ITFG1: variants seen among roughly 807,000 people sequenced by gnomAD.
ITFG1 encodes T-cell immunomodulatory protein.
Under a neutral mutation model 81.8 loss-of-function variants are expected in ITFG1, and 34 were observed. The observed-to-expected ratio is 0.42, with a 90% CI of 0.32 to 0.55. ITFG1 has a LOEUF of 0.55. ITFG1 is among the 20% of genes least tolerant of loss of function. ITFG1 has a pLI of 0.17. For missense variants in ITFG1, 672 were observed against 755.4 expected (o/e 0.89, Z 1.29); for synonymous variants, 285 against 270.6 (o/e 1.05, Z -0.52).
intron 14 of ITFG1, among the ~76,000 whole-genome samples, chr16:47,174,923 G>A (rs936577331): frequency 3.9e-5 from 6 of 152,196 alleles, no homozygotes; most frequent in Admixed American, 3.3e-4. Context: ...TCGATGAAAA[G>A]AAGATATAAG....
intron 14 of ITFG1, among the ~76,000 whole-genome samples, chr16:47,174,785 G>A (rs1035044821): frequency 6.6e-6 from 1 of 152,180 alleles, no homozygotes; most frequent in African/African-American, 2.4e-5. Context: ...CTCCCAAAGT[G>A]CTGGGATTAC....
intron 6 of ITFG1, among the ~76,000 whole-genome samples, chr16:47,385,040 T>TG (rs1379394502): frequency 1.3e-5 from 2 of 152,248 alleles, no homozygotes; most frequent in African/African-American, 4.8e-5. Flanking sequence ...ACTCTCTTGT[T>TG]GGACGAATTT....
chr16:47,352,030 C>G (rs1020223680), intron 8 of ITFG1, among the ~76,000 whole-genome samples: 1 of 152,156 alleles, frequency 6.6e-6, no homozygotes, highest in Non-Finnish European at 1.5e-5. Flanking sequence ...AACTGGATCC[C>G]TTCCTTACAC....
chr16:47,445,565 A>G (rs1969314700), intron 5 of ITFG1, among the ~76,000 whole-genome samples: 1 of 152,174 alleles, frequency 6.6e-6, no homozygotes, highest in Non-Finnish European at 1.5e-5. Flanking sequence ...TGGTCACATT[A>G]TTTCCCATCT....
chr16:47,178,013 G>A (rs546266903), intron 14 of ITFG1, among the ~76,000 whole-genome samples: 67 of 152,250 alleles, frequency 4.4e-4, no homozygotes, highest in Non-Finnish European at 8.1e-4. Context: ...GTAAAAAGAC[G>A]CCAAAAGATA....
chr16:47,350,744 G>A (rs935153085), intron 8 of ITFG1, among the ~76,000 whole-genome samples: 3 of 152,012 alleles, frequency 2.0e-5, no homozygotes, highest in East Asian at 3.8e-4. Context: ...CACCAAAGCC[G>A]GGCAGAGCCA....
At chr16:47,275,487 C>G (rs774289822) in intron 10 of ITFG1, among the ~76,000 whole-genome samples, 1 of 152,090 alleles carries the variant, frequency 6.6e-6, no homozygotes, top group African/African-American at 2.4e-5. Context: ...ATAAAAATCA[C>G]GTACATGCTG....
chr16:47,295,068 G>T (rs1966962553), intron 10 of ITFG1, among the ~76,000 whole-genome samples: 1 of 152,160 alleles, frequency 6.6e-6, no homozygotes, highest in South Asian at 2.1e-4. Context: ...TTATCATGAA[G>T]AGATGAATTT....
chr16:47,290,413 G>A (rs527866219), intron 10 of ITFG1, among the ~76,000 whole-genome samples: 4 of 152,082 alleles, frequency 2.6e-5, no homozygotes, highest in African/African-American at 4.8e-5. Context: ...GGTTACTGAC[G>A]TCTCCATCTA....
At chr16:47,326,647 T>C (rs1967548987) in intron 8 of ITFG1, among the ~76,000 whole-genome samples, 1 of 152,160 alleles carries the variant, frequency 6.6e-6, no homozygotes, top group African/African-American at 2.4e-5. Context: ...AAAATCAATG[T>C]GCAAAAATCA....
At chr16:47,321,920 C>T (rs1245349094) in intron 8 of ITFG1, among the ~76,000 whole-genome samples, 1 of 151,602 alleles carries the variant, frequency 6.6e-6, no homozygotes, top group African/African-American at 2.4e-5. Flanking sequence ...AAATGGAAAA[C>T]AAGAAAAAAG....
intron 10 of ITFG1, among the ~76,000 whole-genome samples, chr16:47,300,398 A>C (rs536535449): frequency 1.8e-4 from 27 of 152,242 alleles, no homozygotes; most frequent in African/African-American, 5.8e-4. Context: ...TGTGTTGGAG[A>C]CCTCTGACAT....
intron 6 of ITFG1, 151 bp downstream of exon 6, chr16:47,428,653 T>C: frequency 1.6e-6 from 1 of 629,040 alleles, no homozygotes; most frequent in Non-Finnish European, 2.8e-6. Context: ...TCAGTACTTT[T>C]TCCATGTTTC....
chr16:47,344,932 T>C (rs1203024612), intron 8 of ITFG1, among the ~76,000 whole-genome samples: 1 of 152,248 alleles, frequency 6.6e-6, no homozygotes, highest in African/African-American at 2.4e-5. Flanking sequence ...AGTACTCTAC[T>C]GTGTATAAGT....
chr16:47,402,227 T>G (rs1465081268), intron 6 of ITFG1, among the ~76,000 whole-genome samples: 2 of 152,224 alleles, frequency 1.3e-5, no homozygotes, highest in African/African-American at 4.8e-5. Flanking sequence ...GAAATAAATC[T>G]TATCAACATC....
chr16:47,334,951 T>C (rs1967683158), intron 8 of ITFG1, among the ~76,000 whole-genome samples: 1 of 152,180 alleles, frequency 6.6e-6, no homozygotes, highest in Admixed American at 6.5e-5. Flanking sequence ...AATTTTTCTG[T>C]CCTTAGGTTA....
rs1213330356 is a variant in ITFG1 at position 47,276,285 on chromosome 16, C to A, written c.1071-15590G>T. 2.0e-5 allele frequency among the ~76,000 whole-genome samples: 3 copies of A among 151,994 alleles called. No homozygotes were observed. In the East Asian group the frequency reaches 5.8e-4, roughly 29 times the overall value. On this transcript the variant is annotated intron_variant, in intron 10 of 17. Coordinates refer to ENST00000320640, the MANE Select transcript of ITFG1 (RefSeq NM_030790.5). The stretch of plus-strand genomic sequence containing the variant: ...GAAAAGTAATAGGAAAAAAAAATCT[C>A]ATTCAATAACAATGAAATCTCTAAG...
intron 10 of ITFG1, among the ~76,000 whole-genome samples, chr16:47,298,321 T>G (rs1184620435): frequency 3.3e-5 from 5 of 152,230 alleles, no homozygotes; most frequent in Non-Finnish European, 7.3e-5. Context: ...TGATTATTTC[T>G]TTTTGGTTAG....
chr16:47,195,895 T>C (rs186638050), intron 14 of ITFG1, among the ~76,000 whole-genome samples: 2 of 152,216 alleles, frequency 1.3e-5, no homozygotes, highest in Admixed American at 1.3e-4. Flanking sequence ...CAGGCCCTAG[T>C]GTGTGCTGTT....
Sources: gnomAD v4.1 joint callset for allele counts (sites outside exome capture counted in the v4.1 genomes callset) on GRCh38, gnomAD v4.1.1 for gene constraint, MANE v1.5 for transcripts, NCBI Gene and HGNC (gene_info 2026-07-23, HGNC 2026-07-21) for gene names.